The following EVX1 variants were observed in gnomAD, a reference collection of about 807,000 sequenced individuals.
EVX1 encodes the protein homeobox even-skipped homolog protein 1.
A neutral mutation model predicts 28.6 loss-of-function variants in EVX1; 19 were observed. The observed-to-expected ratio is 0.67, with a 90% CI of 0.46 to 0.98. The LOEUF is 0.98. Among genes scored for constraint, EVX1 ranks in the 50% least tolerant of loss-of-function variants. EVX1 has a pLI of 0.00. For missense variants in EVX1, 660 were observed against 583.0 expected (o/e 1.13, Z -1.36); for synonymous variants, 324 against 278.2 (o/e 1.16, Z -1.64).
At chr7:27,244,599 C>G in intron 1 of EVX1, 1 of 610,902 alleles carries the variant, frequency 1.6e-6, no homozygotes, top group Non-Finnish European at 2.1e-6. Flanking sequence ...CACACCTGTT[C>G]TGGCAGCCCG....
chr7:27,243,418 G>C lies in EVX1; in HGVS notation c.388G>C (p.Asp130His). 6.2e-7 allele frequency: 1 copy of C among 1,610,070 alleles called. No individual in the cohort carries two copies. The highest frequency in any genetic ancestry group is 8.5e-7 in the Non-Finnish European group (1 of 1,178,902). ...AGAAATCGAGGTGAGCTGCACCCCGGACTGCGCCACCGGGAACGCCGAGTA... is the reference window on the plus strand; with the variant it reads ...AGAAATCGAGGTGAGCTGCACCCCGCACTGCGCCACCGGGAACGCCGAGTA... ...YEEIEVSCTPDCATGNAEYQH... is the reference protein window; with the variant it reads ...YEEIEVSCTPHCATGNAEYQH... Residue 130 changes from aspartate to histidine, a missense_variant, in exon 1 of 3, where the codon GAC (aspartate) becomes CAC (histidine). Physicochemically the swap from Asp to His is moderately conservative, Grantham distance 81 (BLOSUM62 -1). This residue lies in a region of EVX1 where 308 missense variants were observed against 256.6 expected (regional missense o/e 1.20). Transcript: ENST00000496902.
intron 2 of EVX1, 113 bp downstream of exon 2, chr7:27,245,417 C>A: frequency 6.8e-7 from 1 of 1,464,284 alleles, no homozygotes; most frequent in Non-Finnish European, 9.3e-7. Flanking sequence ...GGTCTCCCTG[C>A]CCGGCGCGTG....
At position 27,246,494 on chromosome 7, in the gene EVX1, G is replaced by A. The variant is rs1583467286; in HGVS notation, c.*69G>A. The A allele has an allele frequency of 1.4e-5, 21 of 1,470,554 alleles. 1 individual carries two copies. The South Asian group carries it at 2.4e-4, about 17-fold the overall frequency. The allele number at this position is 1,470,554 out of a possible 1,614,324, so 91.1% of individuals were successfully genotyped here. ...ACCCCCCGGCCCCGGGACTCAGCCA[G>A]CCTCGCTCCTCGCTCCTCGCTCCTC... On this transcript the variant is annotated 3_prime_UTR_variant, in exon 3 of 3. Transcript: ENST00000496902.
At position 27,246,000 on chromosome 7, in the gene EVX1, G is replaced by T; in HGVS notation, c.799G>T (p.Gly267Cys). The T allele has an allele frequency of 1.2e-6, 2 of 1,601,512 alleles. No homozygotes were observed. Residue 267 changes from glycine to cysteine, a missense_variant, in exon 3 of 3, where the codon GGC becomes TGC. Gly to Cys is a radical substitution (Grantham distance 159). Transcript: ENST00000496902. Reference sequence around the variant, plus strand: ...CATGATGAGCCATGCGGCGGCCGCGGGCGGCCTGCCCTACCCCTTCCCATC... The same window carrying T: ...CATGATGAGCCATGCGGCGGCCGCGTGCGGCCTGCCCTACCCCTTCCCATC... Reference protein sequence around the residue: ...TYMMSHAAAAGGLPYPFPSHL... With the variant: ...TYMMSHAAAACGLPYPFPSHL...
At position 27,245,968 on chromosome 7, in the gene EVX1, A is replaced by T. The variant is rs1349837078; in HGVS notation, c.767A>T (p.Tyr256Phe). Reference protein sequence around the residue: ...TWPHPADPAFYTYMMSHAAAA... With the variant: ...TWPHPADPAFFTYMMSHAAAA... ...CCGCACCCGGCGGACCCCGCCTTCT[A>T]CACTTACATGATGAGCCATGCGGCG... The change falls in exon 3 of 3, where the codon TAC becomes TTC. Residue 256 changes from tyrosine (Y) to phenylalanine (F), a missense_variant. This residue lies in a region of EVX1 where 299 missense variants were observed against 241.3 expected (regional missense o/e 1.24). Transcript: ENST00000496902. 1 of 1,607,718 alleles carries T rather than the reference A, an allele frequency of 6.2e-7. No individual in the cohort carries two copies. The highest frequency in any genetic ancestry group is 1.1e-5 in the South Asian group (1 of 91,054).
chr7:27,242,880 A>G lies in EVX1; in HGVS notation c.-151A>G. ...ACCGCCACCGCCGCGGTCGCGGTCC[A>G]GACCGCGCTCCAGCAGCTCCGCGCC... On this transcript the variant is annotated 5_prime_UTR_variant, in exon 1 of 3. Transcript: ENST00000496902. 1 of 865,086 alleles carries G rather than the reference A, an allele frequency of 1.2e-6. No homozygotes were observed. Among genetic ancestry groups the G allele is most frequent in the Non-Finnish European group, 1.7e-6 (1 of 593,310 alleles). The allele number at this position is 865,086 out of a possible 1,614,324, so 53.6% of individuals were successfully genotyped here. A position where few individuals can be genotyped will look rare whatever the true frequency, so the allele number is the denominator to read the frequency against.
intron 1 of EVX1, among the ~76,000 whole-genome samples, chr7:27,244,837 A>G (rs1783127225): frequency 6.6e-6 from 1 of 152,162 alleles, no homozygotes; most frequent in Non-Finnish European, 1.5e-5. Context: ...AGGCCTCCCC[A>G]AAGACCTCTA....
chr7:27,246,800 A>C lies in EVX1; in HGVS notation c.*375A>C. On this transcript the variant is annotated 3_prime_UTR_variant, in exon 3 of 3. Transcript: ENST00000496902. ...CTCGGCCCCTCACCCTCCACCTCAC[A>C]CTCCCTTCTCACCGGGCCCCCTCTC... is the stretch of plus-strand genomic sequence containing the variant. 4.4e-5 allele frequency: 12 copies of C among 273,404 alleles called. No homozygotes were observed. Among genetic ancestry groups the C allele is most frequent in the South Asian group, 5.2e-5 (1 of 19,402 alleles). 16.9% of individuals were successfully genotyped at this position (273,404 alleles called of 1,614,324 possible).
In EVX1 at chr7:27,243,226, G is replaced by A. The variant is rs1562534085; in HGVS notation, c.196G>A (p.Glu66Lys). The A allele has an allele frequency of 6.5e-7, 1 of 1,550,202 alleles. No individual in the cohort carries two copies. ...ATRERGGGGP[E>K]EEPVDGLAGS... ...CCGGGAGCGCGGCGGGGGAGGCCCG[G>A]AGGAGGAGCCGGTAGATGGACTCGC... The change falls in exon 1 of 3, where the codon GAG becomes AAG. Residue 66 changes from glutamate (E) to lysine (K), a missense_variant. Glu to Lys is a moderately conservative substitution (Grantham distance 56). Coordinates refer to ENST00000496902, the MANE Select transcript of EVX1 (RefSeq NM_001989.5).
Position 27,247,778 on chromosome 7 carries a change from G to C in EVX1, c.*1353G>C, listed in dbSNP as rs749445486. On this transcript the variant is annotated 3_prime_UTR_variant, in exon 3 of 3. Coordinates refer to ENST00000496902, the MANE Select transcript of EVX1 (RefSeq NM_001989.5). The stretch of plus-strand genomic sequence containing the variant: ...TCCTTTGAAGCCCAAAGAACTTGCT[G>C]TTATGATTCGTTAACCATATTGCAA... The C allele has an allele frequency of 2.8e-4, 43 of 152,236 alleles. No homozygotes were observed. The highest frequency in any genetic ancestry group is 9.2e-4 in the African/African-American group (38 of 41,456). The allele number at this position is 152,236 out of a possible 1,614,324, so 9.4% of individuals were successfully genotyped here.
chr7:27,244,804 C>T (rs1783125025), intron 1 of EVX1, among the ~76,000 whole-genome samples: 2 of 152,184 alleles, frequency 1.3e-5, no homozygotes, highest in Non-Finnish European at 2.9e-5. Context: ...ACCCCTGTAC[C>T]CAGGATGCCT....
chr7:27,245,864 C>T, intron 2 of EVX1, 22 bp from the exon 3 acceptor site: 3 of 1,604,448 alleles, frequency 1.9e-6, no homozygotes, highest in Non-Finnish European at 2.5e-6. Flanking sequence ...AGCTACTGAA[C>T]CTGCTCCGCT....
In EVX1 at chr7:27,243,298, G is replaced by C. The variant is rs1583463940; in HGVS notation, c.268G>C (p.Ala90Pro). Residue 90 changes from alanine to proline, a missense_variant, in exon 1 of 3, where the codon GCC becomes CCC. Ala to Pro is a conservative substitution (Grantham distance 27). This residue lies in a region of EVX1 where 308 missense variants were observed against 256.6 expected (regional missense o/e 1.20). Coordinates refer to ENST00000496902, the MANE Select transcript of EVX1 (RefSeq NM_001989.5). ...CGCCGAGCCCCAGGTAGCTGGGGCG[G>C]CCATGCTCGGCCCAGGACCCCCGGC... Reference protein sequence around the residue: ...PGAEPQVAGAAMLGPGPPAPS... With the variant: ...PGAEPQVAGAPMLGPGPPAPS... The C allele has an allele frequency of 6.4e-7, 1 of 1,560,464 alleles. No individual in the cohort carries two copies. Among genetic ancestry groups the C allele is most frequent in the Non-Finnish European group, 8.7e-7 (1 of 1,153,862 alleles).
rs368325052 is a variant in EVX1, at chr7:27,245,231, G to T, written c.611G>T (p.Arg204Leu). Residue 204 changes from arginine (R) to leucine (L), a missense_variant, in exon 2 of 3, where the codon CGG becomes CTG. This residue lies in a region of EVX1 where 53 missense variants were observed against 85.1 expected (regional missense o/e 0.62). Coordinates refer to ENST00000496902, the MANE Select transcript of EVX1 (RefSeq NM_001989.5). ...GCGCGGCTGGAGAAGGAATTCTACC[G>T]GGAGAACTACGTATCCAGGCCGCGG... The part of the protein sequence containing the change: ...QIARLEKEFY[R>L]ENYVSRPRRC... The T allele has an allele frequency of 1.3e-5, 21 of 1,613,586 alleles. No homozygotes were observed. In the East Asian group the frequency reaches 3.1e-4, roughly 24 times the overall value.
In EVX1 at chr7:27,244,379, G is replaced by A. The variant is rs17472990; in HGVS notation, c.428-669G>A. The A allele has an allele frequency of 9.7e-4, 429 of 443,098 alleles. 7 individuals are homozygous for A. The highest frequency in any genetic ancestry group is 9.0e-3 in the African/African-American group (398 of 44,360). 27.4% of individuals were successfully genotyped at this position (443,098 alleles called of 1,614,324 possible). A position where few individuals can be genotyped will look rare whatever the true frequency, so the allele number is the denominator to read the frequency against. ...GTGGAAAGAGCCTGGGGGCGGGGGG[G>A]AGAAAGACCACCCCCTGGTCTTGGC... is the stretch of plus-strand genomic sequence containing the variant. On this transcript the variant is annotated intron_variant, in intron 1 of 2. Transcript: ENST00000496902.
At position 27,246,349 on chromosome 7, in the gene EVX1, C is replaced by T; in HGVS notation, c.1148C>T (p.Thr383Ile). ...ASTSRSDSFL[T>I]FAPSVLSKAS... ...ACCTCCCGCTCGGACTCCTTCCTCA[C>T]CTTCGCGCCCTCGGTGCTCAGCAAG... Residue 383 changes from threonine to isoleucine, a missense_variant, in exon 3 of 3, where the codon ACC (threonine) becomes ATC (isoleucine). Transcript: ENST00000496902. 1 of 1,602,412 alleles carries T rather than the reference C, an allele frequency of 6.2e-7. No individual in the cohort carries two copies. Among genetic ancestry groups the T allele is most frequent in the Middle Eastern group, 1.7e-4 (1 of 6,006 alleles).
At position 27,242,979 on chromosome 7, in the gene EVX1, G is replaced by T; in HGVS notation, c.-52G>T. On this transcript the variant is annotated 5_prime_UTR_variant, in exon 1 of 3. Coordinates refer to ENST00000496902, the MANE Select transcript of EVX1 (RefSeq NM_001989.5). ...CCGGCCGCTGGAGACCCAGGGAGCCGGGGTTAGGAACTCACTTGGGGCTTT... is the reference window on the plus strand; with the variant it reads ...CCGGCCGCTGGAGACCCAGGGAGCCTGGGTTAGGAACTCACTTGGGGCTTT... The T allele has an allele frequency of 7.0e-7, 1 of 1,436,928 alleles. No homozygotes were observed. The highest frequency in any genetic ancestry group is 1.5e-5 in the South Asian group (1 of 67,292). The allele number at this position is 1,436,928 out of a possible 1,614,324, so 89.0% of individuals were successfully genotyped here.
rs1783082419 is a variant in EVX1, at chr7:27,243,435, C to A, written c.405C>A (p.Asn135Lys). The A allele has an allele frequency of 6.2e-7, 1 of 1,605,948 alleles. No individual in the cohort carries two copies. The highest frequency in any genetic ancestry group is 8.5e-7 in the Non-Finnish European group (1 of 1,176,972). The change falls in exon 1 of 3, where the codon AAC becomes AAA. Residue 135 changes from asparagine to lysine, a missense_variant. Physicochemically the swap from Asn to Lys is moderately conservative, Grantham distance 94 (BLOSUM62 0). Coordinates refer to ENST00000496902, the MANE Select transcript of EVX1 (RefSeq NM_001989.5). ...GCACCCCGGACTGCGCCACCGGGAA[C>A]GCCGAGTACCAGCACAGCAAAGGTA... ...VSCTPDCATG[N>K]AEYQHSKGSG...
chr7:27,245,262 T>C lies in EVX1; in HGVS notation c.642T>C (p.Cys214=). Residue 214 remains cysteine (C), a synonymous_variant, in exon 2 of 3, where the codon TGT becomes TGC. Transcript: ENST00000496902. ...ACTACGTATCCAGGCCGCGGAGATG[T>C]GAGCTGGCGGCCGCCCTAAACCTGC... is the stretch of plus-strand genomic sequence containing the variant. The part of the protein sequence containing the change: ...RENYVSRPRR[C]ELAAALNLPE... 2 of 1,613,420 alleles carry C rather than the reference T, an allele frequency of 1.2e-6. No homozygotes were observed. The highest frequency in any genetic ancestry group is 1.7e-5 in the Admixed American group (1 of 60,032).
Sources: gnomAD v4.1 joint callset for allele counts (sites outside exome capture counted in the v4.1 genomes callset) on GRCh38, gnomAD v4.1.1 for gene constraint, gnomAD v4.1.1 regional missense constraint, MANE v1.5 for transcripts, NCBI Gene and HGNC (gene_info 2026-07-23, HGNC 2026-07-21) for gene names.